The following CNTNAP2 variants were observed in gnomAD, a reference collection of about 807,000 sequenced individuals.
CNTNAP2 encodes the protein contactin-associated protein-like 2.
CNTNAP2 carries 98 observed loss-of-function variants against 155.2 expected under a neutral mutation model. The observed-to-expected ratio is 0.63, with a 90% CI of 0.54 to 0.75. The LOEUF (loss-of-function observed/expected upper bound fraction) is 0.75. CNTNAP2 is among the 30% of genes least tolerant of loss of function. The probability of loss-of-function intolerance (pLI) is 0.00; values close to 1 mark genes in which losing one functional copy is unlikely to be tolerated. For synonymous variants in CNTNAP2, 651 were observed against 631.2 expected, an observed-to-expected ratio of 1.03 and a Z score of -0.47; for missense variants, 1,727 against 1,688.1, an observed-to-expected ratio of 1.02 and a Z score of -0.40.
At chr7:146,957,154 G>T (rs527368240) in intron 3 of CNTNAP2, among the ~76,000 whole-genome samples, 1 of 152,160 alleles carries the variant, frequency 6.6e-6, no homozygotes, top group Admixed American at 6.5e-5. Flanking sequence ...TAGACTATAT[G>T]GTATATCCTA....
chr7:148,110,839 G>A (rs571564245), intron 15 of CNTNAP2, among the ~76,000 whole-genome samples: 60 of 152,266 alleles, frequency 3.9e-4, no homozygotes, highest in Admixed American at 1.5e-3. Flanking sequence ...AAAAATGGGG[G>A]TAAAGCTCCT....
intron 1 of CNTNAP2, among the ~76,000 whole-genome samples, chr7:146,591,889 G>T (rs1172547147): frequency 2.0e-5 from 3 of 152,064 alleles, no homozygotes; most frequent in African/African-American, 7.2e-5. Flanking sequence ...AACTTAACCT[G>T]CCTCAAATTA....
intron 1 of CNTNAP2, among the ~76,000 whole-genome samples, chr7:146,660,168 T>C (rs914090047): frequency 2.6e-5 from 4 of 152,342 alleles, no homozygotes; most frequent in East Asian, 1.9e-4. Flanking sequence ...ATTTATTATG[T>C]AAGTAAGAAA....
chr7:146,328,390 T>C (rs989514169), intron 1 of CNTNAP2, among the ~76,000 whole-genome samples: 3 of 152,160 alleles, frequency 2.0e-5, no homozygotes, highest in Non-Finnish European at 4.4e-5. Flanking sequence ...TCCAGCTTTA[T>C]TGAGGTATGA....
chr7:148,271,839 A>G (rs1796786081), intron 21 of CNTNAP2, among the ~76,000 whole-genome samples: 1 of 152,200 alleles, frequency 6.6e-6, no homozygotes, highest in Non-Finnish European at 1.5e-5. Context: ...GTAAAAATCC[A>G]TCTGTACAGA....
At chr7:146,874,586 A>G (rs1376751171) in intron 3 of CNTNAP2, among the ~76,000 whole-genome samples, 2 of 152,062 alleles carry the variant, frequency 1.3e-5, no homozygotes, top group Non-Finnish European at 2.9e-5. Flanking sequence ...TGATCCGCCC[A>G]CCGTGGCCTC....
chr7:147,715,836 A>G (rs1796475253), intron 13 of CNTNAP2, among the ~76,000 whole-genome samples: 2 of 152,102 alleles, frequency 1.3e-5, no homozygotes. Flanking sequence ...TAAGCTGCGC[A>G]CTTACATCTA....
intron 3 of CNTNAP2, among the ~76,000 whole-genome samples, chr7:146,854,462 G>A (rs1470640543): frequency 1.3e-5 from 2 of 152,136 alleles, no homozygotes; most frequent in African/African-American, 4.8e-5. Flanking sequence ...GAAGAGGAAT[G>A]AAAGAAACCA....
At chr7:146,957,719 C>G (rs1797465301) in intron 3 of CNTNAP2, among the ~76,000 whole-genome samples, 1 of 152,068 alleles carries the variant, frequency 6.6e-6, no homozygotes, top group Non-Finnish European at 1.5e-5. Flanking sequence ...GTGCTTATTT[C>G]AGATTGCATG....
At chr7:146,947,998 C>T (rs913719402) in intron 3 of CNTNAP2, among the ~76,000 whole-genome samples, 8 of 151,946 alleles carry the variant, frequency 5.3e-5, no homozygotes, top group Admixed American at 3.9e-4. Context: ...ATTTTTCTCA[C>T]CTTATAATAG....
intron 1 of CNTNAP2, among the ~76,000 whole-genome samples, chr7:146,327,486 T>C (rs760596679): frequency 1.2e-4 from 18 of 152,212 alleles, no homozygotes; most frequent in Non-Finnish European, 2.5e-4. Context: ...ACAACTGTAA[T>C]AGAATGTAAC....
chr7:147,991,444 T>A (rs1215952635), intron 15 of CNTNAP2, among the ~76,000 whole-genome samples: 1 of 152,218 alleles, frequency 6.6e-6, no homozygotes, highest in African/African-American at 2.4e-5. Flanking sequence ...AGAGAAGCAC[T>A]ATCACTTGAT....
chr7:147,689,297 G>C (rs73472821), intron 13 of CNTNAP2, among the ~76,000 whole-genome samples: 2,277 of 151,726 alleles, frequency 0.015, 54 homozygotes, highest in African/African-American at 0.051. Flanking sequence ...TTACAGTTAC[G>C]CACCACCAAG....
At chr7:147,486,524 C>A (rs535329151) in intron 11 of CNTNAP2, among the ~76,000 whole-genome samples, 7 of 151,192 alleles carry the variant, frequency 4.6e-5, no homozygotes, top group Non-Finnish European at 8.8e-5. Flanking sequence ...GAAATGAGTC[C>A]GAAATGGAAT....
intron 14 of CNTNAP2, among the ~76,000 whole-genome samples, chr7:147,971,747 T>C (rs940564160): frequency 6.6e-6 from 1 of 152,260 alleles, no homozygotes; most frequent in Non-Finnish European, 1.5e-5. Flanking sequence ...CTAAATCTGC[T>C]ATAAACATCT....
intron 1 of CNTNAP2, among the ~76,000 whole-genome samples, chr7:146,527,080 C>G (rs1797701788): frequency 6.6e-6 from 1 of 151,946 alleles, no homozygotes; most frequent in Admixed American, 6.6e-5. Flanking sequence ...AAAAATCCCT[C>G]TCACATTTTT....
At chr7:146,944,645 A>G (rs1463544540) in intron 3 of CNTNAP2, among the ~76,000 whole-genome samples, 2 of 152,072 alleles carry the variant, frequency 1.3e-5, no homozygotes, top group African/African-American at 4.8e-5. Flanking sequence ...TTGGGAGGCC[A>G]AGGTGGGCGG....
At chr7:147,967,267 G>C (rs1172119956) in intron 14 of CNTNAP2, among the ~76,000 whole-genome samples, 1 of 152,102 alleles carries the variant, frequency 6.6e-6, no homozygotes. Flanking sequence ...ATGATAAAAA[G>C]AATGGATTTT....
intron 1 of CNTNAP2, among the ~76,000 whole-genome samples, chr7:146,552,655 T>C (rs572898958): frequency 1.3e-5 from 2 of 152,182 alleles, no homozygotes; most frequent in South Asian, 4.1e-4. Context: ...TCTCTTAGAG[T>C]TAAAATCAAA....
Sources: allele counts gnomAD v4.1 joint callset (sites outside exome capture counted in the v4.1 genomes callset), GRCh38; gene constraint gnomAD v4.1.1; transcripts MANE v1.5; gene names NCBI Gene and HGNC (gene_info 2026-07-23, HGNC 2026-07-21).